POLR3G: variants seen among roughly 807,000 people sequenced by gnomAD.
POLR3G encodes RNA polymerase III subunit G.
In POLR3G, 28 loss-of-function variants were observed where a neutral mutation model predicts 30.1. That is an observed-to-expected ratio of 0.93 (90% CI 0.69 to 1.27). POLR3G has a LOEUF of 1.27. Ranked by LOEUF, POLR3G falls within the 50% of genes most tolerant of loss-of-function variation. The pLI is 0.00. For missense variants in POLR3G, 254 were observed against 264.6 expected (o/e 0.96, Z 0.28); for synonymous variants, 79 against 82.5 (o/e 0.96, Z 0.23).
At chr5:90,478,854 A>C (rs945005190) in intron 1 of POLR3G, among the ~76,000 whole-genome samples, 1 of 151,828 alleles carries the variant, frequency 6.6e-6, no homozygotes, top group Non-Finnish European at 1.5e-5. Flanking sequence ...TGGGTTGCAC[A>C]CTGTAATCTC....
chr5:90,500,185 T>A (rs1752180963), intron 5 of POLR3G, among the ~76,000 whole-genome samples: 1 of 152,178 alleles, frequency 6.6e-6, no homozygotes, highest in Non-Finnish European at 1.5e-5. Flanking sequence ...TTTTTATGTC[T>A]TGTTTCTGAT....
At chr5:90,508,034 A>G (rs1242519416) in intron 7 of POLR3G, among the ~76,000 whole-genome samples, 9 of 151,890 alleles carry the variant, frequency 5.9e-5, no homozygotes, top group Admixed American at 1.3e-4. Context: ...TTCTCTACCT[A>G]TTTTCCCTTT....
intron 1 of POLR3G, among the ~76,000 whole-genome samples, chr5:90,477,735 A>G (rs1434884821): frequency 6.6e-6 from 1 of 152,178 alleles, no homozygotes; most frequent in Non-Finnish European, 1.5e-5. Context: ...GTCTTGAACA[A>G]AGAATTGGAC....
chr5:90,489,229 TAAG>T (rs1330713676), intron 3 of POLR3G, among the ~76,000 whole-genome samples: 1 of 151,926 alleles, frequency 6.6e-6, no homozygotes, highest in Non-Finnish European at 1.5e-5. Context: ...AATGGTTTGA[TAAG>T]AAATATTTTA....
At chr5:90,479,597 C>T (rs1751022616) in intron 1 of POLR3G, among the ~76,000 whole-genome samples, 1 of 152,088 alleles carries the variant, frequency 6.6e-6, no homozygotes, top group Non-Finnish European at 1.5e-5. Flanking sequence ...ACATATATCA[C>T]CTGAAATTTT....
chr5:90,474,388 T>A (rs537775001), upstream of POLR3G: 35 of 1,165,642 alleles, frequency 3.0e-5, no homozygotes, highest in South Asian at 1.3e-5. Context: ...TGAAGCGGTC[T>A]GCCTGCAGCC....
intron 1 of POLR3G, among the ~76,000 whole-genome samples, chr5:90,479,472 C>T (rs965534222): frequency 9.9e-5 from 15 of 152,022 alleles, no homozygotes; most frequent in South Asian, 4.1e-4. Context: ...GAGTCCATCT[C>T]GGGAAAAAAC....
chr5:90,488,877 G>A (rs534584444), intron 3 of POLR3G, among the ~76,000 whole-genome samples: 10 of 152,298 alleles, frequency 6.6e-5, no homozygotes, highest in Non-Finnish European at 1.3e-4. Context: ...CTAGAAGTGG[G>A]AAGTGGTTTT....
At chr5:90,494,660 T>G (rs1361966134) in intron 3 of POLR3G, among the ~76,000 whole-genome samples, 1 of 152,200 alleles carries the variant, frequency 6.6e-6, no homozygotes, top group Non-Finnish European at 1.5e-5. Context: ...CATCTTTTCA[T>G]GCTTTTTGTC....
At chr5:90,485,420 G>A in intron 1 of POLR3G, 105 bp from the exon 2 acceptor site, 6 of 630,334 alleles carry the variant, frequency 9.5e-6, no homozygotes, top group South Asian at 2.1e-5. Context: ...CTTTCCAAAA[G>A]TATTTTAAGT....
chr5:90,497,315 CTT>C (rs1752042276), intron 4 of POLR3G, among the ~76,000 whole-genome samples: 1 of 151,628 alleles, frequency 6.6e-6, no homozygotes, highest in African/African-American at 2.4e-5. Flanking sequence ...CTACAGAAAA[CTT>C]ATGAAATATA....
intron 1 of POLR3G, among the ~76,000 whole-genome samples, chr5:90,477,759 CAAAG>C (rs927091934): frequency 1.4e-4 from 21 of 152,230 alleles, no homozygotes; most frequent in African/African-American, 3.6e-4. Flanking sequence ...ACGCGCAAAG[CAAAG>C]AAAGAATGAA....
At chr5:90,478,006 A>G (rs1195712357) in intron 1 of POLR3G, among the ~76,000 whole-genome samples, 1 of 152,224 alleles carries the variant, frequency 6.6e-6, no homozygotes. Flanking sequence ...TCATAGCCGT[A>G]ATGTGAATTG....
intron 7 of POLR3G, 117 bp downstream of exon 7, chr5:90,506,791 A>T: frequency 7.3e-7 from 1 of 1,361,696 alleles, no homozygotes; most frequent in South Asian, 2.4e-5. Context: ...AACCAGAAGT[A>T]TATTATTATC....
intron 1 of POLR3G, among the ~76,000 whole-genome samples, chr5:90,482,541 G>T (rs1384251105): frequency 6.6e-6 from 1 of 152,126 alleles, no homozygotes; most frequent in Non-Finnish European, 1.5e-5. Flanking sequence ...TGCCATTGTC[G>T]GACTAAGAAA....
intron 1 of POLR3G, among the ~76,000 whole-genome samples, chr5:90,477,111 C>T (rs1750865472): frequency 1.3e-5 from 2 of 152,120 alleles, no homozygotes; most frequent in South Asian, 4.1e-4. Flanking sequence ...GTAAAAAGGG[C>T]TTAAAAGCAG....
chr5:90,478,043 T>C (rs1027818330), intron 1 of POLR3G, among the ~76,000 whole-genome samples: 4 of 152,232 alleles, frequency 2.6e-5, no homozygotes, highest in Non-Finnish European at 5.9e-5. Flanking sequence ...CTCCAGACCC[T>C]ATTTTCCTGC....
At chr5:90,509,528 A>T (rs747181608) in intron 7 of POLR3G, among the ~76,000 whole-genome samples, 5 of 152,218 alleles carry the variant, frequency 3.3e-5, no homozygotes, top group African/African-American at 7.2e-5. Context: ...ACCGGATGCT[A>T]TAGCGGCATA....
chr5:90,513,178 T>A lies in POLR3G; in HGVS notation c.*1039T>A, dbSNP rs1752817061. 1 of 152,532 alleles carries A rather than the reference T, an allele frequency of 6.6e-6. No individual in the cohort carries two copies. Among genetic ancestry groups the A allele is most frequent in the African/African-American group, 2.4e-5 (1 of 41,442 alleles). 9.4% of individuals were successfully genotyped at this position (152,532 alleles called of 1,614,324 possible). ...CAAAGACTCTCAGAAATGCCAAAGA[T>A]TTTCAAGGAAATTCATATTATATAT... On this transcript the variant is annotated 3_prime_UTR_variant, in exon 8 of 8. Coordinates refer to ENST00000651687, the MANE Select transcript of POLR3G (RefSeq NM_006467.3).
Sources: gnomAD v4.1 joint callset for allele counts (sites outside exome capture counted in the v4.1 genomes callset) on GRCh38, gnomAD v4.1.1 for gene constraint, MANE v1.5 for transcripts, NCBI Gene and HGNC (gene_info 2026-07-23, HGNC 2026-07-21) for gene names.